Variants in DAAM1 observed in about 807,000 individuals in gnomAD.
DAAM1 encodes dishevelled associated activator of morphogenesis 1.
DAAM1 carries 52 observed loss-of-function variants against 130.0 expected under a neutral mutation model. The ratio of observed to expected loss-of-function variants is 0.40; its 90% confidence interval spans 0.32 to 0.50. DAAM1 has a LOEUF of 0.50. Among genes scored for constraint, DAAM1 ranks in the 20% least tolerant of loss-of-function variants. The pLI, the probability that DAAM1 is intolerant of heterozygous loss-of-function variation, is 0.61. For synonymous variants in DAAM1, 452 were observed against 444.5 expected, an observed-to-expected ratio of 1.02 and a Z score of -0.21; for missense variants, 1,134 against 1,303.8, an observed-to-expected ratio of 0.87 and a Z score of 2.01.
chr14:59,196,598 C>G (rs1375957748), intron 1 of DAAM1, among the ~76,000 whole-genome samples: 1 of 152,038 alleles, frequency 6.6e-6, no homozygotes, highest in Non-Finnish European at 1.5e-5. Flanking sequence ...AAAAAATTAG[C>G]CGGGCGTGGT....
chr14:59,331,723 A>T (rs1885449037), intron 14 of DAAM1, 90 bp from the exon 15 acceptor site: 4 of 1,508,814 alleles, frequency 2.7e-6, no homozygotes, highest in Admixed American at 2.2e-5. Flanking sequence ...AGACTGAAAA[A>T]TTTGGGATAG....
At chr14:59,244,011 A>G (rs1405301862) in intron 1 of DAAM1, among the ~76,000 whole-genome samples, 1 of 152,112 alleles carries the variant, frequency 6.6e-6, no homozygotes, top group Non-Finnish European at 1.5e-5. Context: ...TTGCTATTTG[A>G]TATGGTTTGG....
At position 59,263,927 on chromosome 14, in the gene DAAM1, C is replaced by A. The variant is rs142839656; in HGVS notation, c.183+267C>A. On this transcript the variant is annotated intron_variant, in intron 2 of 24. Transcript: ENST00000360909. Reference sequence around the variant, plus strand: ...GACCTTCAGTTCTTCAAATATGTGGCAGTACTGCATCTTAAGTTGCCCTTC... The same window carrying A: ...GACCTTCAGTTCTTCAAATATGTGGAAGTACTGCATCTTAAGTTGCCCTTC... 1.5e-4 allele frequency: 75 copies of A among 500,030 alleles called. No homozygotes were observed. The East Asian group carries it at 2.8e-3, about 19-fold the overall frequency. The allele number at this position is 500,030 out of a possible 1,614,324, so 31.0% of individuals were successfully genotyped here.
At chr14:59,293,534 A>G (rs1417100265) in intron 3 of DAAM1, among the ~76,000 whole-genome samples, 1 of 152,154 alleles carries the variant, frequency 6.6e-6, no homozygotes, top group Non-Finnish European at 1.5e-5. Context: ...GCTGGATTGC[A>G]CAGACCTTTG....
chr14:59,255,802 G>A (rs1191910711), intron 1 of DAAM1, among the ~76,000 whole-genome samples: 1 of 152,166 alleles, frequency 6.6e-6, no homozygotes, highest in East Asian at 1.9e-4. Flanking sequence ...TTAGTGTTGA[G>A]ATTATAATTC....
At chr14:59,338,415 G>C in intron 15 of DAAM1, 1 of 1,613,640 alleles carries the variant, frequency 6.2e-7, no homozygotes. Flanking sequence ...CTCCAAGCAG[G>C]TAAGTGAGCT....
chr14:59,335,258 G>T (rs1445960250), intron 15 of DAAM1, among the ~76,000 whole-genome samples: 1 of 152,114 alleles, frequency 6.6e-6, no homozygotes, highest in African/African-American at 2.4e-5. Flanking sequence ...TATCAAAGGT[G>T]TGCAGAGCTG....
intron 2 of DAAM1, among the ~76,000 whole-genome samples, chr14:59,289,225 CTT>C (rs1883608090): frequency 1.3e-5 from 2 of 152,070 alleles, no homozygotes; most frequent in Non-Finnish European, 2.9e-5. Context: ...CAACCACACA[CTT>C]TTAAACCATC....
intron 21 of DAAM1, among the ~76,000 whole-genome samples, 181 bp downstream of exon 21, chr14:59,359,685 G>GCATGCAGTA (rs1469940524): frequency 5.3e-5 from 8 of 152,166 alleles, no homozygotes; most frequent in African/African-American, 1.9e-4. Flanking sequence ...ATATATGTTT[G>GCATGCAGTA]TTCTAGCTTC....
At chr14:59,274,240 G>A (rs1882852633) in intron 2 of DAAM1, among the ~76,000 whole-genome samples, 2 of 151,998 alleles carry the variant, frequency 1.3e-5, no homozygotes, top group African/African-American at 4.8e-5. Context: ...ATTACTCAGT[G>A]CAATATTTAA....
intron 1 of DAAM1, among the ~76,000 whole-genome samples, chr14:59,189,579 G>T (rs1174220582): frequency 6.6e-6 from 1 of 152,150 alleles, no homozygotes; most frequent in African/African-American, 2.4e-5. Context: ...GAAGCCCTGG[G>T]CCAGGAGGTG....
At chr14:59,355,992 T>C (rs1190459182) in intron 20 of DAAM1, among the ~76,000 whole-genome samples, 2 of 152,238 alleles carry the variant, frequency 1.3e-5, no homozygotes, top group Non-Finnish European at 2.9e-5. Context: ...AAGTGTTCAA[T>C]GCTGCATTTT....
At chr14:59,220,008 C>T (rs559325783) in intron 1 of DAAM1, among the ~76,000 whole-genome samples, 9 of 152,088 alleles carry the variant, frequency 5.9e-5, no homozygotes, top group East Asian at 1.9e-4. Flanking sequence ...CTATTGGTTT[C>T]GAAAAATACA....
chr14:59,200,121 C>G (rs1007693043), intron 1 of DAAM1, among the ~76,000 whole-genome samples: 1 of 152,182 alleles, frequency 6.6e-6, no homozygotes, highest in Non-Finnish European at 1.5e-5. Flanking sequence ...CTCCATTCTT[C>G]CATGACCACA....
chr14:59,222,592 C>T (rs148335820), intron 1 of DAAM1, among the ~76,000 whole-genome samples: 2 of 152,308 alleles, frequency 1.3e-5, no homozygotes, highest in East Asian at 3.9e-4. Flanking sequence ...GCCACCATAG[C>T]CACTTTGTTC....
At chr14:59,314,169 A>T (rs1187560762) in intron 3 of DAAM1, among the ~76,000 whole-genome samples, 1 of 152,218 alleles carries the variant, frequency 6.6e-6, no homozygotes, top group Non-Finnish European at 1.5e-5. Flanking sequence ...GAGGGTTGGG[A>T]TTCTGACATC....
chr14:59,288,860 A>AGAGAGAGAGAGAGAGAGAGC (rs1018804753), intron 2 of DAAM1, among the ~76,000 whole-genome samples: 4 of 143,998 alleles, frequency 2.8e-5, no homozygotes, highest in African/African-American at 1.0e-4. Context: ...AGAGAGAGAG[A>AGAGAGAGAGAGAGAGAGAGC]GCGCGCGAAG....
At chr14:59,246,290 T>A (rs1881373570) in intron 1 of DAAM1, among the ~76,000 whole-genome samples, 1 of 152,220 alleles carries the variant, frequency 6.6e-6, no homozygotes, top group African/African-American at 2.4e-5. Flanking sequence ...AGATACCTCA[T>A]ATAAATGGAA....
At chr14:59,333,323 G>A (rs1885512967) in intron 15 of DAAM1, among the ~76,000 whole-genome samples, 1 of 152,142 alleles carries the variant, frequency 6.6e-6, no homozygotes, top group Non-Finnish European at 1.5e-5. Context: ...CTTGGGCAAT[G>A]CTATACACAC....
Sources: allele counts gnomAD v4.1 joint callset (sites outside exome capture counted in the v4.1 genomes callset), GRCh38; gene constraint gnomAD v4.1.1; transcripts MANE v1.5; gene names NCBI Gene and HGNC (gene_info 2026-07-23, HGNC 2026-07-21).